ZYG11B: variants seen among roughly 807,000 people sequenced by gnomAD.
ZYG11B encodes the protein protein zyg-11 homolog B.
A neutral mutation model predicts 82.4 loss-of-function variants in ZYG11B; 36 were observed. That is an observed-to-expected ratio of 0.44 (90% CI 0.33 to 0.58). The LOEUF (loss-of-function observed/expected upper bound fraction) is 0.58, where lower values mean the gene tolerates loss of function less well. ZYG11B is among the 20% of genes least tolerant of loss of function. The pLI is 0.02. For synonymous variants in ZYG11B, 303 were observed against 312.8 expected (o/e 0.97, Z 0.33); for missense variants, 552 against 895.6 (o/e 0.62, Z 4.90).
chr1:52,817,777 GTATATATA>G lies in ZYG11B; in HGVS notation c.2044+1180_2044+1187del, dbSNP rs869260265. ...AATAGTAAAGTGTGTATATATATGTGTATATATATATATATATATATATATATATATAT... is the reference window on the plus strand; with the variant it reads ...AATAGTAAAGTGTGTATATATATGTGTATATATATATATATATATATATAT... On this transcript the variant is annotated intron_variant, in intron 13 of 13. Transcript: ENST00000294353. 1.4e-3 allele frequency among the ~76,000 whole-genome samples: 59 copies of G among 41,534 alleles called. 1 individual carries two copies. Among genetic ancestry groups the G allele is most frequent in the South Asian group, 5.0e-3 (5 of 1,010 alleles). The allele number at this position is 41,534 out of a possible 152,430, so 27.2% of individuals were successfully genotyped here. A position where few individuals can be genotyped will look rare whatever the true frequency, so the allele number is the denominator to read the frequency against.
At chr1:52,799,506 AAG>A (rs1285139460) in intron 8 of ZYG11B, among the ~76,000 whole-genome samples, 1 of 151,150 alleles carries the variant, frequency 6.6e-6, no homozygotes, top group Admixed American at 6.6e-5. Context: ...AAACAAAAGA[AAG>A]AAAAAAATAG....
At chr1:52,733,298 A>T (rs981873972) in intron 1 of ZYG11B, among the ~76,000 whole-genome samples, 1 of 152,172 alleles carries the variant, frequency 6.6e-6, no homozygotes, top group Non-Finnish European at 1.5e-5. Flanking sequence ...GTTAGTTTTT[A>T]TTCTTTTTTA....
rs1378509475 is a variant in ZYG11B at position 52,800,112 on chromosome 1, A to AT, written c.1486-1706dup. 1.1e-4 allele frequency among the ~76,000 whole-genome samples: 17 copies of AT among 151,346 alleles called. 1 individual carries two copies. On this transcript the variant is annotated intron_variant, in intron 8 of 13. Coordinates refer to ENST00000294353, the MANE Select transcript of ZYG11B (RefSeq NM_024646.3). ...TCAACATAGCAAGATTCTGGCTCTA[A>AT]TAAAAAAAAAAAAATTAGCTGGGCT...
At chr1:52,786,708 G>A (rs555912502) in intron 5 of ZYG11B, among the ~76,000 whole-genome samples, 3 of 152,266 alleles carry the variant, frequency 2.0e-5, no homozygotes, top group African/African-American at 7.2e-5. Context: ...TTAGAGCCAG[G>A]CACTCAAGGC....
intron 10 of ZYG11B, among the ~76,000 whole-genome samples, chr1:52,807,110 G>A (rs1229580189): frequency 6.6e-6 from 1 of 151,790 alleles, no homozygotes; most frequent in African/African-American, 2.4e-5. Context: ...CTCATGATCT[G>A]CCCGCCTCAG....
At chr1:52,817,816 T>TATATATATATATATATA (rs1160186535) in intron 13 of ZYG11B, among the ~76,000 whole-genome samples, 2 of 8,118 alleles carry the variant, frequency 2.5e-4, no homozygotes, top group Non-Finnish European at 3.2e-4. Context: ...TATATATATA[T>TATATATATATATATATA]TTTTTTTTTT....
At chr1:52,743,402 T>A (rs375806584) in intron 1 of ZYG11B, among the ~76,000 whole-genome samples, 98 of 69,062 alleles carry the variant, frequency 1.4e-3, no homozygotes, top group Non-Finnish European at 1.8e-3. Context: ...CAATAAATAC[T>A]AAAAAAAAAA....
At position 52,790,356 on chromosome 1, in the gene ZYG11B, C is replaced by G. The variant is rs146038956; in HGVS notation, c.1334+289C>G. ...AGCTATGAACATTATTATCCCCATTCAAAAGATAAAAAAACTAAGGCATAT... is the reference window on the plus strand; with the variant it reads ...AGCTATGAACATTATTATCCCCATTGAAAAGATAAAAAAACTAAGGCATAT... On this transcript the variant is annotated intron_variant, in intron 6 of 13. Transcript: ENST00000294353. Among the ~76,000 whole-genome samples the G allele has an allele frequency of 1.4e-4, 22 of 152,146 alleles. No individual in the cohort carries two copies. In the East Asian group the frequency reaches 4.2e-3, roughly 29 times the overall value.
rs763082713 is a variant in ZYG11B at position 52,756,465 on chromosome 1, C to A, written c.38C>A (p.Ala13Glu). 4 of 1,609,472 alleles carry A rather than the reference C, an allele frequency of 2.5e-6. No individual in the cohort carries two copies. The South Asian group carries it at 4.4e-5, about 18-fold the overall frequency. ...TTTTCCCTGGGCTCCAAGGAGGAGGCGTCTCCCTATTCCTTACTTGATATC... is the reference window on the plus strand; with the variant it reads ...TTTTCCCTGGGCTCCAAGGAGGAGGAGTCTCCCTATTCCTTACTTGATATC... ...EDQAGAAMEE[A>E]SPYSLLDICL... The change falls in exon 2 of 14, where the codon GCG becomes GAG. Residue 13 changes from alanine (A) to glutamate (E), a missense_variant. Physicochemically the swap from Ala to Glu is moderately radical, Grantham distance 107. Around this residue, in one of 3 missense-constraint regions of ZYG11B, gnomAD observed 359 missense variants for 555.8 expected, o/e 0.65. Transcript: ENST00000294353.
intron 4 of ZYG11B, among the ~76,000 whole-genome samples, chr1:52,783,359 T>A (rs550751163): frequency 3.0e-4 from 46 of 152,234 alleles, no homozygotes; most frequent in African/African-American, 1.1e-3. Context: ...GTTTGTATCC[T>A]GATATGAATG....
At chr1:52,803,227 CACAT>C (rs1232713659) in intron 10 of ZYG11B, among the ~76,000 whole-genome samples, 14 of 68,938 alleles carry the variant, frequency 2.0e-4, no homozygotes, top group Admixed American at 1.9e-3. Context: ...TATATATACA[CACAT>C]ATATATATAC....
intron 2 of ZYG11B, among the ~76,000 whole-genome samples, chr1:52,765,067 A>G (rs1339124129): frequency 6.7e-6 from 1 of 149,112 alleles, no homozygotes; most frequent in South Asian, 2.1e-4. Context: ...TTTTTTTTTT[A>G]ATAGAGATGG....
intron 4 of ZYG11B, among the ~76,000 whole-genome samples, chr1:52,783,759 A>T (rs1644877189): frequency 8.4e-6 from 1 of 118,418 alleles, no homozygotes; most frequent in African/African-American, 2.9e-5. Context: ...AGTAGATGGG[A>T]CTATAGGCGT....
intron 1 of ZYG11B, among the ~76,000 whole-genome samples, chr1:52,730,238 T>C (rs1426610842): frequency 6.6e-6 from 1 of 152,202 alleles, no homozygotes; most frequent in East Asian, 1.9e-4. Context: ...TTTGACTGTG[T>C]TGACACTGGG....
In ZYG11B at chr1:52,765,699, T is replaced by C. The variant is rs546572406; in HGVS notation, c.197-5321T>C. Among the ~76,000 whole-genome samples, 21 of 152,152 alleles carry C rather than the reference T, an allele frequency of 1.4e-4. 1 individual carries two copies. The South Asian group carries it at 4.1e-3, about 30-fold the overall frequency. The stretch of plus-strand genomic sequence containing the variant: ...ATTTTTTGTTGTTGGGATGGAGTCT[T>C]GCAATGTTGCCCAGGCTGGTCTCAA... On this transcript the variant is annotated intron_variant, in intron 2 of 13. Coordinates refer to ENST00000294353, the MANE Select transcript of ZYG11B (RefSeq NM_024646.3).
intron 10 of ZYG11B, among the ~76,000 whole-genome samples, chr1:52,804,354 T>C (rs1645123657): frequency 6.6e-6 from 1 of 152,214 alleles, no homozygotes; most frequent in Non-Finnish European, 1.5e-5. Context: ...GGCTCAAGCC[T>C]GTAATCCCAG....
intron 1 of ZYG11B, among the ~76,000 whole-genome samples, chr1:52,732,319 C>G (rs1421958172): frequency 6.6e-6 from 1 of 152,080 alleles, no homozygotes; most frequent in African/African-American, 2.4e-5. Context: ...GAGAAATGTC[C>G]TACAATAGGA....
In ZYG11B at chr1:52,779,780, G is replaced by A. The variant is rs548730545; in HGVS notation, c.952-73G>A. On this transcript the variant is annotated intron_variant, in intron 3 of 13. Transcript: ENST00000294353. ...ACTGGGATTACAGGCGTGAGCCACC[G>A]CGCCTGGCCACACATGATAATTAGA... 5.4e-5 allele frequency: 85 copies of A among 1,574,860 alleles called. 1 individual carries two copies. In the South Asian group the frequency reaches 7.3e-4, roughly 14 times the overall value.
rs199945022 is a variant in ZYG11B at position 52,740,301 on chromosome 1, C to G, written c.30+13618C>G. On this transcript the variant is annotated intron_variant, in intron 1 of 13. Coordinates refer to ENST00000294353, the MANE Select transcript of ZYG11B (RefSeq NM_024646.3). ...AGGGCATTTATGTAGCTTTCCAGCTCTTGATCTTTTTTAGGTAGAACTCTA... is the reference window on the plus strand; with the variant it reads ...AGGGCATTTATGTAGCTTTCCAGCTGTTGATCTTTTTTAGGTAGAACTCTA... Among the ~76,000 whole-genome samples the G allele has an allele frequency of 1.8e-4, 27 of 152,302 alleles. No homozygotes were observed. The East Asian group carries it at 5.0e-3, about 28-fold the overall frequency.
Sources: allele counts gnomAD v4.1 joint callset (sites outside exome capture counted in the v4.1 genomes callset), GRCh38; gene constraint gnomAD v4.1.1; regional missense constraint gnomAD v4.1.1; transcripts MANE v1.5; gene names NCBI Gene and HGNC (gene_info 2026-07-23, HGNC 2026-07-21).